MACROD2: variants seen among roughly 807,000 people sequenced by gnomAD.
The protein encoded by MACROD2 is ADP-ribose glycohydrolase MACROD2.
Under a neutral mutation model 70.4 loss-of-function variants are expected in MACROD2, and 36 were observed. The observed-to-expected ratio is 0.51, with a 90% confidence interval of 0.39 to 0.68. The LOEUF is 0.68. MACROD2 is among the 30% of genes least tolerant of loss of function. MACROD2 has a pLI of 0.00. For synonymous variants in MACROD2, 172 were observed against 178.8 expected (o/e 0.96, Z 0.30); for missense variants, 496 against 538.4 (o/e 0.92, Z 0.78).
chr20:15,081,457 A>G (rs1270778571), intron 5 of MACROD2, among the ~76,000 whole-genome samples: 1 of 152,160 alleles, frequency 6.6e-6, no homozygotes, highest in African/African-American at 2.4e-5. Flanking sequence ...GCTAGTTCCA[A>G]TAATGAATTC....
intron 5 of MACROD2, among the ~76,000 whole-genome samples, chr20:14,825,270 A>G (rs2072888777): frequency 6.6e-6 from 1 of 152,070 alleles, no homozygotes; most frequent in Non-Finnish European, 1.5e-5. Flanking sequence ...GAGCCGTAAA[A>G]GGAAAGTGCT....
intron 8 of MACROD2, among the ~76,000 whole-genome samples, chr20:15,637,817 AG>A (rs1271720603): frequency 2.0e-5 from 3 of 152,222 alleles, no homozygotes; most frequent in African/African-American, 7.2e-5. Context: ...TCTCAACATC[AG>A]TCCTGAATCT....
intron 5 of MACROD2, among the ~76,000 whole-genome samples, chr20:14,789,088 G>A (rs1377521817): frequency 6.6e-6 from 1 of 151,732 alleles, no homozygotes; most frequent in African/African-American, 2.4e-5. Context: ...TTTTTAAAAG[G>A]TATCCTTGCT....
intron 3 of MACROD2, among the ~76,000 whole-genome samples, chr20:14,290,809 G>A (rs562422756): frequency 6.6e-6 from 1 of 152,256 alleles, no homozygotes; most frequent in African/African-American, 2.4e-5. Flanking sequence ...GCGCCCAGCT[G>A]GTAGCTGTAT....
At chr20:15,558,836 A>G (rs1308291947) in intron 8 of MACROD2, among the ~76,000 whole-genome samples, 3 of 152,188 alleles carry the variant, frequency 2.0e-5, no homozygotes, top group Non-Finnish European at 4.4e-5. Flanking sequence ...TGATATGTGT[A>G]TATGTATTTC....
intron 2 of MACROD2, among the ~76,000 whole-genome samples, chr20:14,061,966 T>A (rs1363003822): frequency 6.6e-6 from 1 of 152,166 alleles, no homozygotes; most frequent in East Asian, 1.9e-4. Context: ...GTCTTGGCCC[T>A]TGTTCCAAGA....
chr20:15,158,699 G>T (rs464232), intron 5 of MACROD2, among the ~76,000 whole-genome samples: 121,182 of 152,078 alleles, frequency 0.8, 48,630 homozygotes, highest in East Asian at 0.99. Flanking sequence ...ACTCAGTTCC[G>T]GCAATATTAG....
chr20:15,527,892 A>G (rs1241686789), intron 8 of MACROD2, among the ~76,000 whole-genome samples: 1 of 152,196 alleles, frequency 6.6e-6, no homozygotes, highest in Admixed American at 6.5e-5. Flanking sequence ...GCACTTATCA[A>G]CACTTGACAA....
At chr20:15,751,196 G>T (rs2051263551) in intron 8 of MACROD2, among the ~76,000 whole-genome samples, 1 of 151,938 alleles carries the variant, frequency 6.6e-6, no homozygotes, top group African/African-American at 2.4e-5. Context: ...TGAATGTCTG[G>T]ATTTGATCAT....
intron 8 of MACROD2, among the ~76,000 whole-genome samples, chr20:15,669,431 C>G (rs1219056370): frequency 6.6e-6 from 1 of 152,166 alleles, no homozygotes; most frequent in Non-Finnish European, 1.5e-5. Flanking sequence ...CTTATGTACC[C>G]TGGTTCTTTC....
In MACROD2 at chr20:14,014,224, C is replaced by T. The variant is rs191160936; in HGVS notation, c.163+11820C>T. On this transcript the variant is annotated intron_variant, in intron 2 of 17. Coordinates refer to ENST00000684519, the MANE Select transcript of MACROD2 (RefSeq NM_001351661.2). The stretch of plus-strand genomic sequence containing the variant: ...GACGACAACTTTTCCTTTCTTGCTC[C>T]CCCCTCCCCCCCACCCCCAATAATT... Among the ~76,000 whole-genome samples the T allele has an allele frequency of 3.8e-3, 545 of 142,886 alleles. 2 individuals carry two copies. The highest frequency in any genetic ancestry group is 0.014 in the Middle Eastern group (4 of 280). 93.7% of individuals were successfully genotyped at this position (142,886 alleles called of 152,430 possible).
intron 15 of MACROD2, among the ~76,000 whole-genome samples, chr20:16,039,843 G>A (rs1209982520): frequency 6.6e-6 from 1 of 151,908 alleles, no homozygotes; most frequent in African/African-American, 2.4e-5. Flanking sequence ...TGGACACAGT[G>A]ACTTTCATCT....
At chr20:15,388,211 C>T (rs1046047531) in intron 6 of MACROD2, among the ~76,000 whole-genome samples, 1 of 151,818 alleles carries the variant, frequency 6.6e-6, no homozygotes, top group African/African-American at 2.4e-5. Context: ...AGGTTCCTGC[C>T]ATGGTAAACA....
rs533486517 is a variant in MACROD2, at chr20:15,138,502, G to T, written c.419-91438G>T. ...AGCAAATGAATATGCTGCGTTTCTT[G>T]TGCTATAGGCTCCTTAATCTTTACA... On this transcript the variant is annotated intron_variant, in intron 5 of 17. Transcript: ENST00000684519. Among the ~76,000 whole-genome samples the T allele has an allele frequency of 4.6e-5, 7 of 152,216 alleles. No individual in the cohort carries two copies. In the East Asian group the frequency reaches 1.3e-3, roughly 29 times the overall value.
At chr20:15,837,155 A>T (rs2064123393) in intron 8 of MACROD2, among the ~76,000 whole-genome samples, 1 of 152,202 alleles carries the variant, frequency 6.6e-6, no homozygotes, top group African/African-American at 2.4e-5. Flanking sequence ...GAAAAAAAAG[A>T]TATTAAAGGA....
intron 3 of MACROD2, among the ~76,000 whole-genome samples, chr20:14,265,767 C>T (rs1035467439): frequency 1.2e-4 from 17 of 143,952 alleles, no homozygotes; most frequent in African/African-American, 4.0e-4. Context: ...ACCTGTTCCC[C>T]GCCTTGTCCT....
At chr20:15,603,345 T>TA (rs112466375) in intron 8 of MACROD2, among the ~76,000 whole-genome samples, 10,299 of 143,022 alleles carry the variant, frequency 0.072, 808 homozygotes, top group African/African-American at 0.2. Context: ...TAAAAATATT[T>TA]AAAAAAAAAA....
At chr20:15,693,927 T>C (rs117752702) in intron 8 of MACROD2, among the ~76,000 whole-genome samples, 6,539 of 150,052 alleles carry the variant, frequency 0.044, 277 homozygotes, top group East Asian at 0.21. Context: ...TTTGCATCCT[T>C]GTAACTTAGC....
intron 3 of MACROD2, among the ~76,000 whole-genome samples, chr20:14,191,512 G>C (rs1473690504): frequency 1.3e-5 from 2 of 152,168 alleles, no homozygotes; most frequent in African/African-American, 4.8e-5. Flanking sequence ...TGCCCTCACA[G>C]AACCTATACC....
Sources: allele counts gnomAD v4.1 joint callset (sites outside exome capture counted in the v4.1 genomes callset), GRCh38; gene constraint gnomAD v4.1.1; transcripts MANE v1.5; gene names NCBI Gene and HGNC (gene_info 2026-07-23, HGNC 2026-07-21).